Variants in STK3 observed in about 807,000 individuals in gnomAD.
STK3 encodes serine/threonine kinase 3.
In STK3, 41 loss-of-function variants were observed where a neutral mutation model predicts 58.0. The ratio of observed to expected loss-of-function variants is 0.71; its 90% CI spans 0.55 to 0.92. The LOEUF is 0.92. Ranked by LOEUF, STK3 falls within the 40% of genes least tolerant of loss-of-function variation. The pLI, the probability that STK3 is intolerant of heterozygous loss-of-function variation, is 0.00. For synonymous variants in STK3, 170 were observed against 191.0 expected, an observed-to-expected ratio of 0.89 and a Z score of 0.91; for missense variants, 479 against 602.7, an observed-to-expected ratio of 0.79 and a Z score of 2.15.
intron 8 of STK3, among the ~76,000 whole-genome samples, chr8:98,565,633 A>G (rs763669926): frequency 1.3e-5 from 2 of 152,154 alleles, no homozygotes; most frequent in Non-Finnish European, 2.9e-5. Flanking sequence ...GGCAGAGACA[A>G]TTCCCATAAA....
chr8:98,913,160 C>A (rs1281258621), intron 1 of STK3, among the ~76,000 whole-genome samples: 8 of 151,332 alleles, frequency 5.3e-5, no homozygotes, highest in Non-Finnish European at 1.2e-4. Flanking sequence ...AGCAGAGGAA[C>A]CTGTTGTATT....
intron 3 of STK3, among the ~76,000 whole-genome samples, chr8:98,845,782 A>G (rs182237959): frequency 1.1e-3 from 161 of 152,334 alleles, no homozygotes; most frequent in African/African-American, 3.7e-3. Flanking sequence ...GATACTTACT[A>G]AAGTGTATTA....
chr8:98,350,135 C>A, the STK3 span, among the ~76,000 whole-genome samples: 79 of 152,186 alleles, frequency 5.2e-4, no homozygotes, highest in Admixed American at 2.5e-3. Context: ...CCCAAGTCAC[C>A]TCTTGAATGC....
chr8:98,834,264 T>C (rs1278160295), intron 3 of STK3, among the ~76,000 whole-genome samples: 1 of 152,226 alleles, frequency 6.6e-6, no homozygotes, highest in Non-Finnish European at 1.5e-5. Context: ...AAATTCTACT[T>C]ATAACTGCTG....
intron 4 of STK3, among the ~76,000 whole-genome samples, chr8:98,745,161 C>T (rs1392996551): frequency 6.6e-6 from 1 of 152,176 alleles, no homozygotes; most frequent in African/African-American, 2.4e-5. Context: ...GAGGTGTAAC[C>T]AGCTGCATAT....
rs551350188 is a variant in STK3, at chr8:98,501,083, CT to C, written c.1317+25658del. 6.2e-4 allele frequency among the ~76,000 whole-genome samples: 95 copies of C among 152,244 alleles called. 1 individual carries two copies. The highest frequency in any genetic ancestry group is 2.3e-3 in the African/African-American group (95 of 41,548). ...CTCTCCAGCATCTGTTGTTTCCTGA[CT>C]TTTTAATGATCGCCATTCTAACCGG... is the stretch of plus-strand genomic sequence containing the variant. On this transcript the variant is annotated intron_variant, in intron 10 of 10. Transcript: ENST00000419617.
At position 98,572,183 on chromosome 8, in the gene STK3, G is replaced by C. The variant is rs561243350; in HGVS notation, c.948+7481C>G. Among the ~76,000 whole-genome samples, 13 of 152,200 alleles carry C rather than the reference G, an allele frequency of 8.5e-5. 1 individual carries two copies. The highest frequency in any genetic ancestry group is 2.6e-4 in the African/African-American group (11 of 41,544). The stretch of plus-strand genomic sequence containing the variant: ...TAGTATTTTAAAAATCATCAACTAA[G>C]TTCAAGAAATACATAAGAATGAATA... On this transcript the variant is annotated intron_variant, in intron 8 of 10. Coordinates refer to ENST00000419617, the MANE Select transcript of STK3 (RefSeq NM_006281.4).
At chr8:98,464,168 A>G (rs1820237938) in intron 10 of STK3, among the ~76,000 whole-genome samples, 1 of 152,194 alleles carries the variant, frequency 6.6e-6, no homozygotes, top group Non-Finnish European at 1.5e-5. Flanking sequence ...ATGAACTATC[A>G]ACAGAATGGC....
upstream of STK3, chr8:98,391,435 C>T (rs1817848045): frequency 6.6e-6 from 1 of 152,208 alleles, no homozygotes; most frequent in African/African-American, 2.4e-5. Flanking sequence ...AGCTCATAAA[C>T]ACCTTTATGC....
At chr8:98,532,117 T>G (rs1463347492) in intron 9 of STK3, among the ~76,000 whole-genome samples, 1 of 152,222 alleles carries the variant, frequency 6.6e-6, no homozygotes, top group Non-Finnish European at 1.5e-5. Context: ...AACTTGGCTG[T>G]TTGGTGCAAG....
At chr8:98,366,402 C>T (rs902840117), downstream of STK3, among the ~76,000 whole-genome samples, 11 of 152,016 alleles carry the variant, frequency 7.2e-5, no homozygotes, top group African/African-American at 2.7e-4. Context: ...TTTTACTTTT[C>T]CAGAAGTTTA....
At chr8:98,840,060 A>G (rs1835907445) in intron 3 of STK3, among the ~76,000 whole-genome samples, 1 of 152,110 alleles carries the variant, frequency 6.6e-6, no homozygotes, top group South Asian at 2.1e-4. Flanking sequence ...GGCATTAAAA[A>G]TATAGGCTGG....
At chr8:98,828,033 G>A (rs1835377565), upstream of STK3, among the ~76,000 whole-genome samples, 1 of 149,572 alleles carries the variant, frequency 6.7e-6, no homozygotes, top group South Asian at 2.1e-4. Flanking sequence ...TGAGTGCAAT[G>A]CCGTGATCTC....
chr8:98,454,682 A>C lies in STK3; in HGVS notation c.*1160T>G, dbSNP rs1819363373. 2 of 152,806 alleles carry C rather than the reference A, an allele frequency of 1.3e-5. No individual in the cohort carries two copies. Among genetic ancestry groups the C allele is most frequent in the African/African-American group, 4.8e-5 (2 of 41,592 alleles). The allele number at this position is 152,806 out of a possible 1,614,324, so 9.5% of individuals were successfully genotyped here. On this transcript the variant is annotated 3_prime_UTR_variant, in exon 11 of 11. Coordinates refer to ENST00000419617, the MANE Select transcript of STK3 (RefSeq NM_006281.4). ...TTTGTCTTTATGATTTACACATAATAATTAAACACACAAAAGAAAAAACAC... is the reference window on the plus strand; with the variant it reads ...TTTGTCTTTATGATTTACACATAATCATTAAACACACAAAAGAAAAAACAC...
chr8:98,461,249 C>CT lies in STK3; in HGVS notation c.1318-5250dup, dbSNP rs1047958400. Among the ~76,000 whole-genome samples, 1,405 of 147,944 alleles carry CT rather than the reference C, an allele frequency of 9.5e-3. 22 individuals carry two copies. Among genetic ancestry groups the CT allele is most frequent in the African/African-American group, 0.033 (1,325 of 40,606 alleles). The stretch of plus-strand genomic sequence containing the variant: ...ATCATTACATAATGTCATTCTTTGT[C>CT]TTTTTTTTTTACTGATGTTGCTTTA... On this transcript the variant is annotated intron_variant, in intron 10 of 10. Transcript: ENST00000419617.
intron 2 of STK3, among the ~76,000 whole-genome samples, chr8:98,373,181 T>G (rs1817628861): frequency 6.6e-6 from 1 of 152,164 alleles, no homozygotes; most frequent in Non-Finnish European, 1.5e-5. Context: ...TTATTCTTGC[T>G]TTTTTTGTGA....
intron 3 of STK3, among the ~76,000 whole-genome samples, chr8:98,414,212 C>G (rs1313741370): frequency 6.6e-6 from 1 of 152,104 alleles, no homozygotes; most frequent in Admixed American, 6.5e-5. Context: ...TGCAGTGAGC[C>G]AAGATCGTGC....
chr8:98,408,887 A>T (rs1818025724), intron 3 of STK3, among the ~76,000 whole-genome samples: 1 of 152,238 alleles, frequency 6.6e-6, no homozygotes, highest in African/African-American at 2.4e-5. Context: ...TCCTGAATTC[A>T]GATACTCTAT....
At chr8:98,713,877 C>T (rs1826761912) in intron 4 of STK3, among the ~76,000 whole-genome samples, 1 of 152,034 alleles carries the variant, frequency 6.6e-6, no homozygotes, top group Admixed American at 6.5e-5. Flanking sequence ...TGCAAAAATC[C>T]TCAATAAAAT....
Sources: allele counts gnomAD v4.1 joint callset (sites outside exome capture counted in the v4.1 genomes callset), GRCh38; gene constraint gnomAD v4.1.1; transcripts MANE v1.5; gene names NCBI Gene and HGNC (gene_info 2026-07-23, HGNC 2026-07-21).